CWC22: variants seen among roughly 807,000 people sequenced by gnomAD.
CWC22 encodes the protein CWC22 spliceosome associated protein.
In CWC22, 53 loss-of-function variants were observed where a neutral mutation model predicts 117.2. That is an observed-to-expected ratio of 0.45 (90% CI 0.36 to 0.57). The LOEUF is 0.57. Among genes scored for constraint, CWC22 ranks in the 20% least tolerant of loss-of-function variants. The probability of loss-of-function intolerance (pLI) is 0.00; values close to 1 mark genes in which losing one functional copy is unlikely to be tolerated. For missense variants in CWC22, 980 were observed against 1,068.8 expected (o/e 0.92, Z 1.16); for synonymous variants, 360 against 355.6 (o/e 1.01, Z -0.14).
Position 179,959,002 on chromosome 2 carries a change from T to G in CWC22, c.1458+20A>C. The G allele has an allele frequency of 6.8e-7, 1 of 1,469,878 alleles. No homozygotes were observed. Among genetic ancestry groups the G allele is most frequent in the Non-Finnish European group, 9.3e-7 (1 of 1,071,768 alleles). 91.1% of individuals were successfully genotyped at this position (1,469,878 alleles called of 1,614,324 possible). A position where few individuals can be genotyped will look rare whatever the true frequency, so the allele number is the denominator to read the frequency against. ...TAAAACCAATATATACATTTCCTAA[T>G]AGAAAAAGTATTAACATACTGTTTG... On this transcript the variant is annotated intron_variant, in intron 14 of 19. Coordinates refer to ENST00000410053, the MANE Select transcript of CWC22 (RefSeq NM_020943.3).
chr2:179,971,420 A>G (rs1367972470), intron 8 of CWC22, among the ~76,000 whole-genome samples: 1 of 152,156 alleles, frequency 6.6e-6, no homozygotes, highest in African/African-American at 2.4e-5. Flanking sequence ...ACTTTCTAAT[A>G]AGGTAATTAT....
chr2:179,952,697 A>G (rs1686483986), intron 16 of CWC22, 99 bp from the exon 17 acceptor site: 1 of 579,058 alleles, frequency 1.7e-6, no homozygotes, highest in African/African-American at 1.9e-5. Context: ...CAAAATTACT[A>G]TTTATTCCCA....
chr2:180,005,907 G>A (rs1461038541), intron 1 of CWC22, among the ~76,000 whole-genome samples: 1 of 152,132 alleles, frequency 6.6e-6, no homozygotes. Context: ...GAAATCTTTG[G>A]TCTACTAGTC....
At position 179,981,873 on chromosome 2, in the gene CWC22, C is replaced by G; in HGVS notation, c.331G>C (p.Asp111His). The G allele has an allele frequency of 6.2e-7, 1 of 1,612,480 alleles. No individual in the cohort carries two copies. The highest frequency in any genetic ancestry group is 8.5e-7 in the Non-Finnish European group (1 of 1,179,182). Residue 111 changes from aspartate to histidine, a missense_variant, in exon 5 of 20, where the codon GAT (aspartate) becomes CAT (histidine). Asp to His is a moderately conservative substitution (Grantham distance 81, BLOSUM62 -1). Transcript: ENST00000410053. ...TTCTTTTTCTTTGTAGCAGGTTCAT[C>G]CTGAGCAGAGGAACTCTGAGTTACT... ...TSVTQSSSAQ[D>H]EPATKKKKDE...
intron 4 of CWC22, among the ~76,000 whole-genome samples, chr2:179,985,459 C>A (rs918295189): frequency 6.6e-6 from 1 of 152,018 alleles, no homozygotes; most frequent in African/African-American, 2.4e-5. Context: ...AGTCTCTCCC[C>A]ACATGTACTA....
intron 3 of CWC22, among the ~76,000 whole-genome samples, chr2:179,987,223 T>C (rs16867133): frequency 0.072 from 10,910 of 152,194 alleles, 504 homozygotes; most frequent in East Asian, 0.26. Context: ...TTTAATTCCA[T>C]ACCAAAAGAC....
intron 14 of CWC22, among the ~76,000 whole-genome samples, 197 bp downstream of exon 14, chr2:179,958,825 A>G (rs759230823): frequency 6.6e-6 from 1 of 152,204 alleles, no homozygotes; most frequent in Non-Finnish European, 1.5e-5. Context: ...TGAGCAGAAA[A>G]TTTAATTCAC....
intron 8 of CWC22, among the ~76,000 whole-genome samples, chr2:179,971,914 G>A (rs888780869): frequency 6.6e-6 from 1 of 152,184 alleles, no homozygotes; most frequent in African/African-American, 2.4e-5. Flanking sequence ...GAGGAGGGGT[G>A]TCAAACAGTC....
chr2:179,960,927 A>G (rs1391133630), intron 13 of CWC22, among the ~76,000 whole-genome samples: 1 of 152,000 alleles, frequency 6.6e-6, no homozygotes, highest in East Asian at 1.9e-4. Flanking sequence ...TTATTCTATC[A>G]TAACTCTATC....
chr2:179,965,849 A>T, intron 12 of CWC22, 29 bp downstream of exon 12: 1 of 1,347,990 alleles, frequency 7.4e-7, no homozygotes, highest in Non-Finnish European at 1.1e-6. Context: ...AGTATCTTAT[A>T]ATATTATTTG....
rs1686270615 is a variant in CWC22, at chr2:179,945,539, T to C, written c.2317A>G (p.Ser773Gly). Residue 773 changes from serine to glycine, a missense_variant, in exon 20 of 20, where the codon AGT (serine) becomes GGT (glycine). Physicochemically the swap from Ser to Gly is moderately conservative, Grantham distance 56 (BLOSUM62 0). Around this residue, in one of 3 missense-constraint regions of CWC22, gnomAD observed 306 missense variants for 296.8 expected, o/e 1.03. Coordinates refer to ENST00000410053, the MANE Select transcript of CWC22 (RefSeq NM_020943.3). ...ATAGGATCTCTCCAATTTGAACCAC[T>C]TGAATTTTGATCTCTGTGTTTTTCT... ...RSEKHRDQNS[S>G]GSNWRDPITK... 1 of 1,613,194 alleles carries C rather than the reference T, an allele frequency of 6.2e-7. No homozygotes were observed. The highest frequency in any genetic ancestry group is 1.7e-5 in the Admixed American group (1 of 59,978).
chr2:179,960,957 C>A (rs187156579), intron 13 of CWC22, among the ~76,000 whole-genome samples: 1 of 151,782 alleles, frequency 6.6e-6, no homozygotes, highest in African/African-American at 2.4e-5. Flanking sequence ...TAGACATTGC[C>A]GATTTCTTAT....
intron 13 of CWC22, among the ~76,000 whole-genome samples, chr2:179,960,775 T>C (rs16823586): frequency 0.069 from 10,470 of 152,088 alleles, 481 homozygotes; most frequent in East Asian, 0.26. Flanking sequence ...CTATAATTAA[T>C]ACTTAATTTG....
In CWC22 at chr2:179,973,628, A is replaced by T. The variant is rs949051853; in HGVS notation, c.750+6T>A. On this transcript the variant is annotated splice_donor_region_variant and intron_variant, in intron 7 of 19. Coordinates refer to ENST00000410053, the MANE Select transcript of CWC22 (RefSeq NM_020943.3). ...ATCATTCTACTTACAAGCCATTCAT[A>T]TATACCTTGTCATTTCTTCGATAGC... The T allele has an allele frequency of 1.9e-6, 3 of 1,553,516 alleles. No homozygotes were observed. The African/African-American group carries it at 4.1e-5, about 21-fold the overall frequency.
At chr2:179,962,562 A>T (rs1575642964) in intron 13 of CWC22, among the ~76,000 whole-genome samples, 1 of 152,200 alleles carries the variant, frequency 6.6e-6, no homozygotes, top group African/African-American at 2.4e-5. Flanking sequence ...ATTTAAAACA[A>T]TTCTCTATTA....
intron 13 of CWC22, among the ~76,000 whole-genome samples, chr2:179,959,451 T>G (rs923204048): frequency 3.3e-5 from 5 of 152,170 alleles, no homozygotes; most frequent in African/African-American, 1.2e-4. Flanking sequence ...TGTTCCGGAA[T>G]TAGACAATGA....
chr2:179,994,394 C>T (rs1242439404), intron 1 of CWC22, among the ~76,000 whole-genome samples: 4 of 152,030 alleles, frequency 2.6e-5, no homozygotes, highest in South Asian at 2.1e-4. Flanking sequence ...ACACTGAAAG[C>T]CAGATATCCT....
chr2:179,957,004 G>A (rs956221697), intron 14 of CWC22, among the ~76,000 whole-genome samples: 7 of 151,912 alleles, frequency 4.6e-5, no homozygotes, highest in African/African-American at 1.7e-4. Flanking sequence ...AGTCTTTTGA[G>A]TACATGAAAA....
Position 179,970,528 on chromosome 2 carries a change from C to T in CWC22, c.1183G>A (p.Glu395Lys). The change falls in exon 11 of 20, where the codon GAA becomes AAA. Residue 395 changes from glutamate (E) to lysine (K), a missense_variant. Transcript: ENST00000410053. Reference sequence around the variant, plus strand: ...TTCTTAATAGCTTTGTACTTCTCTTCATTCTCCATAAAATTAGGATCCATC... The same window carrying T: ...TTCTTAATAGCTTTGTACTTCTCTTTATTCTCCATAAAATTAGGATCCATC... ...FKMDPNFMEN[E>K]EKYKAIKKEI... The T allele has an allele frequency of 6.5e-7, 1 of 1,543,362 alleles. No individual in the cohort carries two copies. Among genetic ancestry groups the T allele is most frequent in the Non-Finnish European group, 8.8e-7 (1 of 1,140,660 alleles).
Sources: allele counts gnomAD v4.1 joint callset (sites outside exome capture counted in the v4.1 genomes callset), GRCh38; gene constraint gnomAD v4.1.1; regional missense constraint gnomAD v4.1.1; transcripts MANE v1.5; gene names NCBI Gene and HGNC (gene_info 2026-07-23, HGNC 2026-07-21).